The following RSPO3 variants were observed in gnomAD, a reference collection of about 807,000 sequenced individuals.
RSPO3 encodes R-spondin-3.
In RSPO3, 17 loss-of-function variants were observed where a neutral mutation model predicts 36.5. The observed-to-expected ratio is 0.47, with a 90% CI of 0.32 to 0.70. RSPO3 has a LOEUF of 0.70. RSPO3 is among the 30% of genes least tolerant of loss of function. The pLI, the probability that RSPO3 is intolerant of heterozygous loss-of-function variation, is 0.04. For missense variants in RSPO3, 294 were observed against 322.5 expected (o/e 0.91, Z 0.68); for synonymous variants, 108 against 107.0 (o/e 1.01, Z -0.06).
chr6:127,179,780 G>C (rs554710224), intron 4 of RSPO3, among the ~76,000 whole-genome samples: 1 of 151,882 alleles, frequency 6.6e-6, no homozygotes, highest in Admixed American at 6.6e-5. Flanking sequence ...GTCTTTTCCA[G>C]ATTTTACAGG....
At chr6:127,122,658 T>C (rs945768239) in intron 1 of RSPO3, among the ~76,000 whole-genome samples, 3 of 152,228 alleles carry the variant, frequency 2.0e-5, no homozygotes, top group East Asian at 3.8e-4. Context: ...GATATCAGGT[T>C]TATTAAGTAA....
intron 2 of RSPO3, 72 bp from the exon 3 acceptor site, chr6:127,150,354 G>T: frequency 7.0e-7 from 1 of 1,432,462 alleles, no homozygotes; most frequent in South Asian, 1.3e-5. Context: ...GGCTGTGTCT[G>T]ACACATGTAG....
At chr6:127,123,113 C>T (rs1773876847) in intron 1 of RSPO3, among the ~76,000 whole-genome samples, 2 of 152,102 alleles carry the variant, frequency 1.3e-5, no homozygotes, top group Admixed American at 6.5e-5. Flanking sequence ...TAAAAACAGA[C>T]TATTGGAATG....
chr6:127,150,086 A>G (rs1332789841), intron 2 of RSPO3, among the ~76,000 whole-genome samples: 1 of 151,966 alleles, frequency 6.6e-6, no homozygotes, highest in Non-Finnish European at 1.5e-5. Flanking sequence ...TATCCTTTGT[A>G]TGTTTTCTTA....
chr6:127,161,151 A>C (rs1394009564), intron 4 of RSPO3, among the ~76,000 whole-genome samples: 1 of 152,096 alleles, frequency 6.6e-6, no homozygotes. Flanking sequence ...TGGCATTGAC[A>C]TTATAATAGC....
chr6:127,178,144 TA>T (rs2114627900), intron 4 of RSPO3, among the ~76,000 whole-genome samples: 1 of 151,868 alleles, frequency 6.6e-6, no homozygotes, highest in African/African-American at 2.4e-5. Flanking sequence ...TATTTCACTG[TA>T]TACACTTTTA....
intron 4 of RSPO3, among the ~76,000 whole-genome samples, chr6:127,168,984 C>T (rs1185776909): frequency 1.3e-5 from 2 of 151,952 alleles, no homozygotes; most frequent in Non-Finnish European, 2.9e-5. Context: ...GAGGACCATG[C>T]TGTTTTGGTT....
At chr6:127,165,182 C>A (rs919198238) in intron 4 of RSPO3, among the ~76,000 whole-genome samples, 5 of 151,874 alleles carry the variant, frequency 3.3e-5, no homozygotes, top group Admixed American at 6.6e-5. Context: ...TATGTGCATA[C>A]TTAGGATCAA....
rs373545563 is a variant in RSPO3, at chr6:127,196,004, C to T, written c.816C>T (p.His272=). Residue 272 remains histidine, a synonymous_variant, in exon 5 of 5, where the codon CAC becomes CAT. Coordinates refer to ENST00000356698, the MANE Select transcript of RSPO3 (RefSeq NM_032784.5). ...AATCGGTATCAGTCAGCACTGTACA[C>T]TAGAGGGTTCCATGAGATTATTGTA... The part of the protein sequence containing the change: ...KQKSVSVSTV[H] The T allele has an allele frequency of 1.1e-5, 17 of 1,601,226 alleles. No homozygotes were observed. The highest frequency in any genetic ancestry group is 1.7e-4 in the Middle Eastern group (1 of 6,036).
At chr6:127,177,138 C>G (rs1165537003) in intron 4 of RSPO3, among the ~76,000 whole-genome samples, 1 of 151,832 alleles carries the variant, frequency 6.6e-6, no homozygotes, top group African/African-American at 2.4e-5. Flanking sequence ...AATATTCCCG[C>G]TGGATATTTT....
intron 1 of RSPO3, among the ~76,000 whole-genome samples, chr6:127,143,688 C>T (rs1774324570): frequency 6.6e-6 from 1 of 152,134 alleles, no homozygotes. Context: ...TAATTGGCAG[C>T]ATGCAATAAT....
chr6:127,169,042 T>C (rs1324314819), intron 4 of RSPO3, among the ~76,000 whole-genome samples: 1 of 151,578 alleles, frequency 6.6e-6, no homozygotes, highest in East Asian at 1.9e-4. Context: ...TGATGTATAT[T>C]CCTTTGTGTA....
At chr6:127,135,278 G>A (rs1030407269) in intron 1 of RSPO3, among the ~76,000 whole-genome samples, 8 of 151,992 alleles carry the variant, frequency 5.3e-5, no homozygotes, top group South Asian at 4.1e-4. Flanking sequence ...AAAATTAGCC[G>A]GGTGTGGTGG....
chr6:127,135,859 T>A (rs1774145487), intron 1 of RSPO3, among the ~76,000 whole-genome samples: 1 of 150,744 alleles, frequency 6.6e-6, no homozygotes, highest in African/African-American at 2.4e-5. Flanking sequence ...CCCTGGATTT[T>A]GAGGCTGGAG....
intron 3 of RSPO3, among the ~76,000 whole-genome samples, chr6:127,152,308 C>G (rs912158046): frequency 6.6e-6 from 1 of 152,102 alleles, no homozygotes; most frequent in South Asian, 2.1e-4. Context: ...TCATTCAGGG[C>G]TGGCTCCGGT....
chr6:127,171,957 A>C (rs979198758), intron 4 of RSPO3, among the ~76,000 whole-genome samples: 2 of 151,476 alleles, frequency 1.3e-5, no homozygotes, highest in African/African-American at 4.8e-5. Context: ...TGTAGTATTA[A>C]ATTTTTTAAA....
rs374311271 is a variant in RSPO3 at position 127,172,722 on chromosome 6, A to AT, written c.634+17285dup. On this transcript the variant is annotated intron_variant, in intron 4 of 4. Coordinates refer to ENST00000356698, the MANE Select transcript of RSPO3 (RefSeq NM_032784.5). ...TTTGTTTAAATGTTGGCAATTTTAC[A>AT]TAATTATCTCATTTAAAATTCTTTA... 4.5e-3 allele frequency among the ~76,000 whole-genome samples: 679 copies of AT among 151,946 alleles called. 1 individual carries two copies. Among genetic ancestry groups the AT allele is most frequent in the Non-Finnish European group, 7.7e-3 (525 of 67,842 alleles).
rs964288732 is a variant in RSPO3, at chr6:127,124,920, C to T, written c.97+5631C>T. On this transcript the variant is annotated intron_variant, in intron 1 of 4. Coordinates refer to ENST00000356698, the MANE Select transcript of RSPO3 (RefSeq NM_032784.5). The stretch of plus-strand genomic sequence containing the variant: ...CTAAATATCTAAATGTCATTGATTG[C>T]TAAGAATCCCATTTTCTGCTCTAAA... Among the ~76,000 whole-genome samples, 9 of 152,140 alleles carry T rather than the reference C, an allele frequency of 5.9e-5. 1 individual carries two copies. The South Asian group carries it at 1.9e-3, about 32-fold the overall frequency.
intron 1 of RSPO3, among the ~76,000 whole-genome samples, chr6:127,130,732 C>T (rs1473788488): frequency 1.3e-5 from 2 of 152,152 alleles, no homozygotes; most frequent in East Asian, 3.9e-4. Flanking sequence ...CCATAAAATA[C>T]AAACGGTATG....
Sources: gnomAD v4.1 joint callset for allele counts (sites outside exome capture counted in the v4.1 genomes callset) on GRCh38, gnomAD v4.1.1 for gene constraint, MANE v1.5 for transcripts, NCBI Gene and HGNC (gene_info 2026-07-23, HGNC 2026-07-21) for gene names.